Variants in TTC7B observed in about 807,000 individuals in gnomAD.
TTC7B encodes tetratricopeptide repeat protein 7B.
A neutral mutation model predicts 106.8 loss-of-function variants in TTC7B; 28 were observed. The observed-to-expected ratio is 0.26, with a 90% CI of 0.19 to 0.36. The LOEUF (loss-of-function observed/expected upper bound fraction) is 0.36, where lower values mean the gene tolerates loss of function less well. Ranked by LOEUF, TTC7B falls within the 10% of genes least tolerant of loss-of-function variation. TTC7B has a pLI of 1.00. For synonymous variants in TTC7B, 405 were observed against 430.6 expected (o/e 0.94, Z 0.74); for missense variants, 862 against 1,076.4 (o/e 0.80, Z 2.79).
intron 15 of TTC7B, among the ~76,000 whole-genome samples, chr14:90,628,981 C>T (rs563724299): frequency 6.6e-6 from 1 of 152,384 alleles, no homozygotes; most frequent in South Asian, 2.1e-4. Context: ...GTGATTCTGC[C>T]TCCACATCTC....
intron 1 of TTC7B, among the ~76,000 whole-genome samples, chr14:90,787,710 T>C (rs991664760): frequency 6.6e-6 from 1 of 152,190 alleles, no homozygotes; most frequent in Non-Finnish European, 1.5e-5. Flanking sequence ...GGCCCAAAAC[T>C]GCTGAATCTA....
chr14:90,802,428 C>T lies in TTC7B; in HGVS notation c.121+13747G>A, dbSNP rs1172612411. On this transcript the variant is annotated intron_variant, in intron 1 of 19. Coordinates refer to ENST00000328459, the MANE Select transcript of TTC7B (RefSeq NM_001010854.2). The surrounding 1 kb of genome is among the most constrained non-coding windows in gnomAD (Gnocchi z 4.7). The stretch of plus-strand genomic sequence containing the variant: ...GGATTCTGAGCACAGGTGAAGGAGC[C>T]GCTGGCCTCTGAAGGGAGTGAGGGC... 2.6e-5 allele frequency among the ~76,000 whole-genome samples: 4 copies of T among 151,926 alleles called. No individual in the cohort carries two copies. The highest frequency in any genetic ancestry group is 6.6e-5 in the Admixed American group (1 of 15,244).
In TTC7B at chr14:90,676,299, G is replaced by A. The variant is rs1249582465; in HGVS notation, c.1152+224C>T. Reference sequence around the variant, plus strand: ...CACACACAAACTCACAGCCTGGTGGGTTATGGAACTCTCATGGTAAAAGAC... The same window carrying A: ...CACACACAAACTCACAGCCTGGTGGATTATGGAACTCTCATGGTAAAAGAC... On this transcript the variant is annotated intron_variant, in intron 9 of 19. Coordinates refer to ENST00000328459, the MANE Select transcript of TTC7B (RefSeq NM_001010854.2). 1.7e-5 allele frequency: 7 copies of A among 410,436 alleles called. No individual in the cohort carries two copies. The East Asian group carries it at 2.6e-4, about 15-fold the overall frequency. 25.4% of individuals were successfully genotyped at this position (410,436 alleles called of 1,614,324 possible).
At chr14:90,684,633 A>G (rs747434918) in intron 7 of TTC7B, among the ~76,000 whole-genome samples, 1 of 152,206 alleles carries the variant, frequency 6.6e-6, no homozygotes, top group Non-Finnish European at 1.5e-5. Flanking sequence ...TAGAGAGTGC[A>G]TATCGTATGA....
chr14:90,712,917 C>G (rs1258658065), intron 5 of TTC7B, among the ~76,000 whole-genome samples: 4 of 152,090 alleles, frequency 2.6e-5, no homozygotes, highest in Non-Finnish European at 4.4e-5. Context: ...GGCTTAAAGA[C>G]AGACATACAG....
chr14:90,741,499 G>T lies in TTC7B; in HGVS notation c.576+3293C>A, dbSNP rs569224273. Among the ~76,000 whole-genome samples, 12 of 152,278 alleles carry T rather than the reference G, an allele frequency of 7.9e-5. No homozygotes were observed. In the South Asian group the frequency reaches 2.5e-3, roughly 32 times the overall value. The stretch of plus-strand genomic sequence containing the variant: ...ATGGAGAGGCCACCTCTGCCCAGCG[G>T]AGCAAACAGGAACAGCGTGTGTGAT... On this transcript the variant is annotated intron_variant, in intron 4 of 19. Transcript: ENST00000328459.
At position 90,676,592 on chromosome 14, in the gene TTC7B, A is replaced by G. The variant is rs776463670; in HGVS notation, c.1083T>C (p.Ser361=). The change falls in exon 9 of 20, where the codon AGT becomes AGC. Residue 361 remains serine, a synonymous_variant. Coordinates refer to ENST00000328459, the MANE Select transcript of TTC7B (RefSeq NM_001010854.2). The part of the protein sequence containing the change: ...HKSDRLISLQ[S]ASVVYDLLTI... ...TGAGTAAGTCATAGACCACAGATGC[A>G]CTCTGCAGACTGATGAGGCGGTCAC... 52 of 1,613,994 alleles carry G rather than the reference A, an allele frequency of 3.2e-5. No homozygotes were observed. The Admixed American group carries it at 8.0e-4, about 25-fold the overall frequency.
rs2030508406 is a variant in TTC7B, at chr14:90,804,832, C to T, written c.121+11343G>A. Among the ~76,000 whole-genome samples, 9 of 152,178 alleles carry T rather than the reference C, an allele frequency of 5.9e-5. No homozygotes were observed. In the South Asian group the frequency reaches 1.9e-3, roughly 32 times the overall value. On this transcript the variant is annotated intron_variant, in intron 1 of 19. Transcript: ENST00000328459. ...CAGGGGGGTAGTTCCTCAAGGGAAC[C>T]AGGCCTCACAGCAAAAGGGCTGAGC... is the stretch of plus-strand genomic sequence containing the variant.
At chr14:90,699,559 G>A (rs1017787913) in intron 5 of TTC7B, among the ~76,000 whole-genome samples, 2 of 152,020 alleles carry the variant, frequency 1.3e-5, no homozygotes, top group Non-Finnish European at 2.9e-5. Context: ...TAAAAGACTG[G>A]GTCAATTTCC....
At chr14:90,587,876 C>T (rs907203229) in intron 18 of TTC7B, among the ~76,000 whole-genome samples, 2 of 152,152 alleles carry the variant, frequency 1.3e-5, no homozygotes, top group African/African-American at 4.8e-5. Flanking sequence ...ACGTAACCTT[C>T]GGCAAGTGAC....
rs1891350626 is a variant in TTC7B at position 90,578,373 on chromosome 14, C to T, written c.2108-65G>A. 6 of 1,521,092 alleles carry T rather than the reference C, an allele frequency of 3.9e-6. No individual in the cohort carries two copies. Among genetic ancestry groups the T allele is most frequent in the Non-Finnish European group, 4.5e-6 (5 of 1,112,174 alleles). The allele number at this position is 1,521,092 out of a possible 1,614,324, so 94.2% of individuals were successfully genotyped here. On this transcript the variant is annotated intron_variant, in intron 18 of 19. Coordinates refer to ENST00000328459, the MANE Select transcript of TTC7B (RefSeq NM_001010854.2). This position sits in a 1 kb window ranked among gnomAD's most constrained non-coding sequence, Gnocchi z 4.7. ...CCTCTGAGGCCCTGCGAGCAGCCAC[C>T]ACTCTGATGTTCGTGTTCCCTGCAC...
chr14:90,688,795 T>G (rs1047031687), intron 7 of TTC7B, among the ~76,000 whole-genome samples: 2 of 151,812 alleles, frequency 1.3e-5, no homozygotes, highest in Non-Finnish European at 1.5e-5. Context: ...CCTGACTCTA[T>G]CTCAAAAAAA....
chr14:90,600,641 C>T lies in TTC7B; in HGVS notation c.1967-7015G>A, dbSNP rs1459893138. ...GGGGAAGCTCTTTCCAGGGAAGGAC[C>T]CCAGTAAGGCAGGGAGGGCCGGGGA... On this transcript the variant is annotated intron_variant, in intron 17 of 19. Transcript: ENST00000328459. This position sits in a 1 kb window ranked among gnomAD's most constrained non-coding sequence, Gnocchi z 4.3. Among the ~76,000 whole-genome samples, 1 of 152,156 alleles carries T rather than the reference C, an allele frequency of 6.6e-6. No individual in the cohort carries two copies. The highest frequency in any genetic ancestry group is 6.5e-5 in the Admixed American group (1 of 15,284).
chr14:90,716,389 G>T (rs1362195405), intron 5 of TTC7B, among the ~76,000 whole-genome samples: 1 of 152,192 alleles, frequency 6.6e-6, no homozygotes, highest in East Asian at 1.9e-4. Flanking sequence ...GCTAAAACTG[G>T]ATTTTACATG....
chr14:90,532,800 T>C lies in TTC7B; in HGVS notation c.*8568A>G, dbSNP rs1889316836. The C allele has an allele frequency of 6.6e-6, 1 of 152,180 alleles. No homozygotes were observed. The highest frequency in any genetic ancestry group is 2.1e-4 in the South Asian group (1 of 4,820). 9.4% of individuals were successfully genotyped at this position (152,180 alleles called of 1,614,324 possible). On this transcript the variant is annotated 3_prime_UTR_variant, in exon 20 of 20. Coordinates refer to ENST00000328459, the MANE Select transcript of TTC7B (RefSeq NM_001010854.2). Reference sequence around the variant, plus strand: ...AAGGCCTCACTGCCACCTGGGTGGGTGGAGGTTCAGGCTGGGCTGGGTGCT... The same window carrying C: ...AAGGCCTCACTGCCACCTGGGTGGGCGGAGGTTCAGGCTGGGCTGGGTGCT...
intron 3 of TTC7B, among the ~76,000 whole-genome samples, chr14:90,755,787 TCA>T (rs1341702034): frequency 6.6e-6 from 1 of 152,196 alleles, no homozygotes; most frequent in East Asian, 1.9e-4. Flanking sequence ...CTGCTTAACA[TCA>T]CACAGACTCT....
rs1158355130 is a variant in TTC7B, at chr14:90,600,708, T to C, written c.1967-7082A>G. Among the ~76,000 whole-genome samples, 6 of 152,322 alleles carry C rather than the reference T, an allele frequency of 3.9e-5. No individual in the cohort carries two copies. In the East Asian group the frequency reaches 9.7e-4, roughly 25 times the overall value. ...GGCATGCGGGGCTAGCGCAGCATGC[T>C]GCTGGTGGGTGCTGGCAGGGCCAGG... On this transcript the variant is annotated intron_variant, in intron 17 of 19. Transcript: ENST00000328459. This position sits in a 1 kb window ranked among gnomAD's most constrained non-coding sequence, Gnocchi z 4.3.
At chr14:90,745,303 A>G (rs1889921468) in intron 3 of TTC7B, among the ~76,000 whole-genome samples, 1 of 147,736 alleles carries the variant, frequency 6.8e-6, no homozygotes, top group Non-Finnish European at 1.5e-5. Context: ...CTCCCAAAAA[A>G]AAAAAAAAAA....
intron 1 of TTC7B, among the ~76,000 whole-genome samples, chr14:90,799,114 C>G (rs1418230777): frequency 6.6e-6 from 1 of 152,150 alleles, no homozygotes; most frequent in African/African-American, 2.4e-5. Context: ...GGGCCTCCAG[C>G]CTCACGCACC....
Sources: allele counts gnomAD v4.1 joint callset (sites outside exome capture counted in the v4.1 genomes callset), GRCh38; gene constraint gnomAD v4.1.1; non-coding constraint Gnocchi (gnomAD v3.1); transcripts MANE v1.5; gene names NCBI Gene and HGNC (gene_info 2026-07-23, HGNC 2026-07-21).